The following IQSEC1 variants were observed in gnomAD, a reference collection of about 807,000 sequenced individuals.
IQSEC1 encodes IQ motif and SEC7 domain-containing protein 1.
IQSEC1 carries 31 observed loss-of-function variants against 91.0 expected under a neutral mutation model. The ratio of observed to expected loss-of-function variants is 0.34; its 90% CI spans 0.26 to 0.46. The LOEUF (loss-of-function observed/expected upper bound fraction) is 0.46. IQSEC1 is among the 20% of genes least tolerant of loss of function. The probability of loss-of-function intolerance (pLI) is 1.00; values close to 1 mark genes in which losing one functional copy is unlikely to be tolerated. For missense variants in IQSEC1, 1,388 were observed against 1,575.6 expected, an observed-to-expected ratio of 0.88 and a Z score of 2.02; for synonymous variants, 699 against 662.6, an observed-to-expected ratio of 1.05 and a Z score of -0.84.
At chr3:13,277,106 T>TAAAAAAAAAAAAAAAAAAAAAAAA (rs4034193) in intron 1 of IQSEC1, among the ~76,000 whole-genome samples, 1 of 35,974 alleles carries the variant, frequency 2.8e-5, no homozygotes, top group Non-Finnish European at 4.4e-5. Flanking sequence ...TGCTCCTCCT[T>TAAAAAAAAAAAAAAAAAAAAAAAA]AAAAAAAAAA....
chr3:12,911,880 T>G, intron 9 of IQSEC1, 152 bp from the exon 10 acceptor site: 1 of 663,428 alleles, frequency 1.5e-6, no homozygotes, highest in Non-Finnish European at 2.7e-6. Context: ...ACTCCAAGAC[T>G]CGGACAACGG....
At chr3:13,188,178 T>G (rs576757288) in intron 1 of IQSEC1, among the ~76,000 whole-genome samples, 33 of 152,352 alleles carry the variant, frequency 2.2e-4, no homozygotes, top group African/African-American at 7.9e-4. Flanking sequence ...CATGCCCTGT[T>G]GTGGGCATCT....
intron 2 of IQSEC1, among the ~76,000 whole-genome samples, chr3:13,160,646 G>A (rs1322168021): frequency 6.6e-6 from 1 of 152,218 alleles, no homozygotes; most frequent in Non-Finnish European, 1.5e-5. Context: ...GCATGGGAGT[G>A]GTCCATTTTT....
chr3:13,057,050 T>C (rs1269152114), intron 1 of IQSEC1, among the ~76,000 whole-genome samples: 1 of 152,142 alleles, frequency 6.6e-6, no homozygotes, highest in African/African-American at 2.4e-5. Context: ...AGCGGACACA[T>C]ATGCACACAG....
At position 12,924,533 on chromosome 3, in the gene IQSEC1, A is replaced by G; in HGVS notation, c.1730+48T>C. On this transcript the variant is annotated intron_variant, in intron 4 of 13. Coordinates refer to ENST00000613206, the MANE Select transcript of IQSEC1 (RefSeq NM_001134382.3). The surrounding 1 kb of genome is among the most constrained non-coding windows in gnomAD (Gnocchi z 6.3). The stretch of plus-strand genomic sequence containing the variant: ...GCCCACGGGTAACACAGGGTGCGTG[A>G]GGGCGTGTGTGGAATCAGGTCCCCC... 2 of 1,531,682 alleles carry G rather than the reference A, an allele frequency of 1.3e-6. No homozygotes were observed. The highest frequency in any genetic ancestry group is 8.9e-7 in the Non-Finnish European group (1 of 1,129,478). The allele number at this position is 1,531,682 out of a possible 1,614,324, so 94.9% of individuals were successfully genotyped here.
At chr3:13,166,913 G>T (rs895811511) in intron 1 of IQSEC1, among the ~76,000 whole-genome samples, 2 of 152,236 alleles carry the variant, frequency 1.3e-5, no homozygotes, top group African/African-American at 4.8e-5. Context: ...ATGCCCTGGA[G>T]CCCCTGGCAT....
At chr3:12,986,994 G>A (rs1265060213) in intron 1 of IQSEC1, 3 of 443,114 alleles carry the variant, frequency 6.8e-6, no homozygotes, top group Non-Finnish European at 1.4e-5. Flanking sequence ...TGTGGGTGGG[G>A]GCCTCCTGCC....
At chr3:12,989,432 A>G (rs1701889701) in intron 1 of IQSEC1, among the ~76,000 whole-genome samples, 1 of 152,236 alleles carries the variant, frequency 6.6e-6, no homozygotes, top group Admixed American at 6.5e-5. Context: ...AATTATCTTC[A>G]TAACTGCCTT....
At chr3:13,095,064 C>T (rs1392349482) in intron 2 of IQSEC1, among the ~76,000 whole-genome samples, 3 of 151,970 alleles carry the variant, frequency 2.0e-5, no homozygotes, top group Admixed American at 6.5e-5. Context: ...CTCCTCTCCA[C>T]CTTGCTTCTG....
chr3:13,015,487 C>A, intron 1 of IQSEC1: 1 of 866,314 alleles, frequency 1.2e-6, no homozygotes, highest in Non-Finnish European at 1.4e-6. Context: ...AAGACCCTCA[C>A]CACGGCAGGC....
chr3:13,241,384 G>A (rs1484173697), intron 1 of IQSEC1, among the ~76,000 whole-genome samples: 3 of 152,220 alleles, frequency 2.0e-5, no homozygotes, highest in African/African-American at 7.2e-5. Context: ...CCAGACCACA[G>A]GCTGCCCTGG....
chr3:13,238,577 G>A (rs558800533), intron 1 of IQSEC1, among the ~76,000 whole-genome samples: 4 of 152,298 alleles, frequency 2.6e-5, no homozygotes, highest in South Asian at 2.1e-4. Context: ...GCAGGACCAC[G>A]TCTTGTCCCC....
At chr3:13,027,712 C>T (rs1014714791) in intron 1 of IQSEC1, among the ~76,000 whole-genome samples, 2 of 152,044 alleles carry the variant, frequency 1.3e-5, no homozygotes, top group African/African-American at 4.8e-5. Context: ...ACAGGGATGG[C>T]CAGTGGGAGC....
At chr3:13,047,620 G>A in intron 1 of IQSEC1, 2 of 540,336 alleles carry the variant, frequency 3.7e-6, no homozygotes, top group African/African-American at 2.0e-5. Context: ...GGTGGTCCCA[G>A]GACAGGTCCT....
At chr3:13,115,986 C>T (rs1343020209) in intron 2 of IQSEC1, among the ~76,000 whole-genome samples, 2 of 152,216 alleles carry the variant, frequency 1.3e-5, no homozygotes, top group Non-Finnish European at 1.5e-5. Flanking sequence ...AACCAATTCC[C>T]TGCAATTACG....
At chr3:13,039,666 C>T (rs1243450710) in intron 1 of IQSEC1, among the ~76,000 whole-genome samples, 1 of 152,232 alleles carries the variant, frequency 6.6e-6, no homozygotes, top group African/African-American at 2.4e-5. Context: ...CCCCTTTCCC[C>T]ATGTTACACA....
At chr3:13,190,638 A>G (rs1694007638) in intron 1 of IQSEC1, among the ~76,000 whole-genome samples, 1 of 152,038 alleles carries the variant, frequency 6.6e-6, no homozygotes, top group South Asian at 2.1e-4. Flanking sequence ...GGCAGTGTCT[A>G]CGAAGGATGG....
At position 13,125,518 on chromosome 3, in the gene IQSEC1, C is replaced by T. The variant is rs548448490; in HGVS notation, c.302+38586G>A. 5.3e-5 allele frequency among the ~76,000 whole-genome samples: 8 copies of T among 152,342 alleles called. No homozygotes were observed. In the South Asian group the frequency reaches 1.0e-3, roughly 20 times the overall value. On this transcript the variant is annotated intron_variant, in intron 2 of 15. Transcript: ENST00000648114. ...AGTGCTGGAGGTGCGGGAACCAGCCCGCCAGAGCTGGCAGTGCAGTGTGGC... is the reference window on the plus strand; with the variant it reads ...AGTGCTGGAGGTGCGGGAACCAGCCTGCCAGAGCTGGCAGTGCAGTGTGGC...
intron 2 of IQSEC1, among the ~76,000 whole-genome samples, chr3:13,098,423 G>A (rs1283321117): frequency 6.6e-6 from 1 of 152,152 alleles, no homozygotes; most frequent in Non-Finnish European, 1.5e-5. Context: ...CTGGGGGTTG[G>A]GGGGATAAGT....
Sources: gnomAD v4.1 joint callset for allele counts (sites outside exome capture counted in the v4.1 genomes callset) on GRCh38, gnomAD v4.1.1 for gene constraint, Gnocchi (gnomAD v3.1) non-coding constraint, MANE v1.5 for transcripts, NCBI Gene and HGNC (gene_info 2026-07-23, HGNC 2026-07-21) for gene names.